The following CPA4 variants were observed in gnomAD, a reference collection of about 807,000 sequenced individuals.
CPA4 encodes the protein carboxypeptidase A3.
Under a neutral mutation model 54.7 loss-of-function variants are expected in CPA4, and 49 were observed. That is an observed-to-expected ratio of 0.90 (90% CI 0.71 to 1.14). The LOEUF is 1.14. Among genes scored for constraint, CPA4 ranks in the 50% most tolerant of loss-of-function variants. CPA4 has a pLI of 0.00. For synonymous variants in CPA4, 215 were observed against 206.8 expected, an observed-to-expected ratio of 1.04 and a Z score of -0.34; for missense variants, 487 against 525.1, an observed-to-expected ratio of 0.93 and a Z score of 0.71.
At chr7:130,302,864 A>C (rs747647691) in intron 4 of CPA4, among the ~76,000 whole-genome samples, 1 of 151,998 alleles carries the variant, frequency 6.6e-6, no homozygotes, top group Non-Finnish European at 1.5e-5. Context: ...CTCCTAGTCC[A>C]GGTTTGCCTA....
At chr7:130,293,838 G>A (rs1167567113) in intron 1 of CPA4, among the ~76,000 whole-genome samples, 1 of 152,124 alleles carries the variant, frequency 6.6e-6, no homozygotes, top group African/African-American at 2.4e-5. Context: ...CCTAGACACA[G>A]CTATGAAAAT....
At chr7:130,307,698 G>C (rs1054190611) in intron 7 of CPA4, among the ~76,000 whole-genome samples, 2 of 151,598 alleles carry the variant, frequency 1.3e-5, no homozygotes, top group African/African-American at 4.9e-5. Flanking sequence ...CAAGGTCTGC[G>C]CATGCACCTG....
chr7:130,318,896 C>G (rs764972911), intron 10 of CPA4, among the ~76,000 whole-genome samples: 1 of 152,150 alleles, frequency 6.6e-6, no homozygotes, highest in Non-Finnish European at 1.5e-5. Context: ...TTTCCTAGAT[C>G]GCCATTTTAG....
intron 10 of CPA4, among the ~76,000 whole-genome samples, chr7:130,312,763 G>A (rs1215551400): frequency 6.6e-6 from 1 of 152,156 alleles, no homozygotes; most frequent in Non-Finnish European, 1.5e-5. Flanking sequence ...AGTCAGGAGT[G>A]TTCTGTCTTA....
Position 130,298,785 on chromosome 7 carries a change from G to A in CPA4, c.108G>A (p.Glu36=). The A allele has an allele frequency of 6.2e-7, 1 of 1,612,684 alleles. No homozygotes were observed. Among genetic ancestry groups the A allele is most frequent in the Non-Finnish European group, 8.5e-7 (1 of 1,178,670 alleles). ...GGATTAATGTCAGAAATGGAGACGA[G>A]ATCAGCAAATTGAGTCAACTAGTGA... ...VLRINVRNGD[E]ISKLSQLVNS... Residue 36 remains glutamate (E), a synonymous_variant, in exon 2 of 11, where the codon GAG becomes GAA. Transcript: ENST00000222482.
Position 130,297,978 on chromosome 7 carries a change from C to T in CPA4, c.69-768C>T, listed in dbSNP as rs185572311. Among the ~76,000 whole-genome samples, 412 of 152,286 alleles carry T rather than the reference C, an allele frequency of 2.7e-3. 2 individuals carry two copies. Among genetic ancestry groups the T allele is most frequent in the African/African-American group, 9.5e-3 (394 of 41,562 alleles). On this transcript the variant is annotated intron_variant, in intron 1 of 10. Transcript: ENST00000222482. ...GTATATGAAGCAAGCTCAGGACAAA[C>T]GACAAAGGGGACTGAGACTGGCCGG...
Position 130,300,853 on chromosome 7 carries a change from A to G in CPA4, c.323A>G (p.Asn108Ser), listed in dbSNP as rs770337029. The G allele has an allele frequency of 2.5e-6, 4 of 1,614,050 alleles. No individual in the cohort carries two copies. Among genetic ancestry groups the G allele is most frequent in the Non-Finnish European group, 3.4e-6 (4 of 1,179,904 alleles). ...LDNEDDEMQH[N>S]EGQERSSNNF... ...AATGAAGATGATGAAATGCAACACA[A>G]TGAAGGGCAAGAACGGAGCAGTAAT... Residue 108 changes from asparagine (N) to serine (S), a missense_variant, in exon 4 of 11, where the codon AAT becomes AGT. Transcript: ENST00000222482.
intron 4 of CPA4, among the ~76,000 whole-genome samples, chr7:130,302,782 T>C (rs571232997): frequency 2.0e-5 from 3 of 152,278 alleles, no homozygotes; most frequent in African/African-American, 4.8e-5. Context: ...CAGGCCCTTT[T>C]TGTGGCCCAA....
intron 8 of CPA4, among the ~76,000 whole-genome samples, chr7:130,308,647 T>C (rs1444347665): frequency 6.6e-6 from 1 of 152,094 alleles, no homozygotes. Context: ...GACCTCTGCC[T>C]CCTGGGTTCA....
chr7:130,304,591 T>C lies in CPA4; in HGVS notation c.486+12T>C. 2 of 1,546,138 alleles carry C rather than the reference T, an allele frequency of 1.3e-6. No homozygotes were observed. Among genetic ancestry groups the C allele is most frequent in the South Asian group, 2.2e-5 (2 of 89,798 alleles). On this transcript the variant is annotated intron_variant, in intron 5 of 10. Coordinates refer to ENST00000222482, the MANE Select transcript of CPA4 (RefSeq NM_016352.4). ...TGTATGTACTGAAGGTGAGGCCACA[T>C]GCACTTGGAAGGGTCTCCTGGGTCC...
rs372748068 is a variant in CPA4 at position 130,300,781 on chromosome 7, A to G, written c.286-35A>G. The stretch of plus-strand genomic sequence containing the variant: ...GAAAAAACATAAACCTGCGTCTGCA[A>G]TGGATCACTTCACAACATTGCTGTG... On this transcript the variant is annotated intron_variant, in intron 3 of 10. Coordinates refer to ENST00000222482, the MANE Select transcript of CPA4 (RefSeq NM_016352.4). 1.1e-5 allele frequency: 16 copies of G among 1,456,922 alleles called. No homozygotes were observed. The Middle Eastern group carries it at 6.9e-4, about 63-fold the overall frequency. 90.2% of individuals were successfully genotyped at this position (1,456,922 alleles called of 1,614,324 possible). A position where few individuals can be genotyped will look rare whatever the true frequency, so the allele number is the denominator to read the frequency against.
At chr7:130,308,223 G>T in intron 7 of CPA4, 84 bp from the exon 8 acceptor site, 1 of 1,165,978 alleles carries the variant, frequency 8.6e-7, no homozygotes, top group South Asian at 1.2e-5. Flanking sequence ...AGCCTGCCCT[G>T]CCTGCGTGTC....
intron 7 of CPA4, among the ~76,000 whole-genome samples, chr7:130,307,630 AG>A (rs1387605187): frequency 2.4e-4 from 13 of 55,006 alleles, no homozygotes; most frequent in African/African-American, 6.0e-4. Flanking sequence ...ACTCCATCTC[AG>A]AAAAAAAAAA....
chr7:130,295,408 A>C (rs1221787796), intron 1 of CPA4, among the ~76,000 whole-genome samples: 1 of 152,176 alleles, frequency 6.6e-6, no homozygotes, highest in African/African-American at 2.4e-5. Flanking sequence ...AGCTGTGAGA[A>C]CACCTGTGTG....
chr7:130,317,943 AC>A (rs1442652341), intron 10 of CPA4, among the ~76,000 whole-genome samples: 2 of 150,630 alleles, frequency 1.3e-5, no homozygotes, highest in Admixed American at 1.3e-4. Flanking sequence ...TTCTCCATCC[AC>A]CCCCCGGGCC....
intron 8 of CPA4, among the ~76,000 whole-genome samples, chr7:130,309,139 TC>T (rs1219416308): frequency 1.3e-5 from 2 of 152,212 alleles, no homozygotes; most frequent in African/African-American, 4.8e-5. Context: ...AGCCATCGCA[TC>T]CGGACTGTTT....
chr7:130,313,080 A>G (rs1793937564), intron 10 of CPA4, among the ~76,000 whole-genome samples: 1 of 152,178 alleles, frequency 6.6e-6, no homozygotes, highest in African/African-American at 2.4e-5. Context: ...ATAGTTATAA[A>G]AGGATGAAGG....
intron 10 of CPA4, 55 bp from the exon 11 acceptor site, chr7:130,322,434 C>T: frequency 6.7e-7 from 1 of 1,487,780 alleles, no homozygotes; most frequent in Non-Finnish European, 9.2e-7. Flanking sequence ...GGCCCCTTCC[C>T]ATCTAACCCA....
chr7:130,303,085 G>A (rs912276576), intron 4 of CPA4, among the ~76,000 whole-genome samples: 4 of 152,126 alleles, frequency 2.6e-5, no homozygotes, highest in Admixed American at 1.3e-4. Context: ...CCGTATTGAC[G>A]GCAAGTCTGA....
Sources: allele counts gnomAD v4.1 joint callset (sites outside exome capture counted in the v4.1 genomes callset), GRCh38; gene constraint gnomAD v4.1.1; transcripts MANE v1.5; gene names NCBI Gene and HGNC (gene_info 2026-07-23, HGNC 2026-07-21).